The following NF1 variants were observed in gnomAD, a reference collection of about 807,000 sequenced individuals.
NF1 encodes neurofibromin 1.
NF1 carries 122 observed loss-of-function variants against 325.7 expected under a neutral mutation model. The observed-to-expected ratio is 0.37, with a 90% CI of 0.32 to 0.44. The LOEUF (loss-of-function observed/expected upper bound fraction) is 0.44, where lower values mean the gene tolerates loss of function less well. Among genes scored for constraint, NF1 ranks in the 20% least tolerant of loss-of-function variants. The pLI is 1.00. For synonymous variants in NF1, 1,091 were observed against 1,186.0 expected (o/e 0.92, Z 1.65); for missense variants, 2,140 against 3,415.4 (o/e 0.63, Z 9.31).
intron 12 of NF1, among the ~76,000 whole-genome samples, chr17:31,214,237 A>T (rs1454051524): frequency 3.9e-5 from 6 of 152,148 alleles, no homozygotes; most frequent in East Asian, 3.8e-4. Flanking sequence ...GATAAAAAAA[A>T]ATATAAATGG....
rs1282441670 is a variant in NF1 at position 31,317,400 on chromosome 17, CA to C, written c.4836-8419del. Among the ~76,000 whole-genome samples the C allele has an allele frequency of 5.7e-3, 871 of 151,726 alleles. 6 individuals are homozygous for C. The highest frequency in any genetic ancestry group is 0.016 in the African/African-American group (641 of 41,330). ...ACACACACACACACACACACACACA[CA>C]CACCCCTAATAAATCATTAGGCTAC... is the stretch of plus-strand genomic sequence containing the variant. On this transcript the variant is annotated intron_variant, in intron 36 of 57. Transcript: ENST00000358273.
At chr17:31,155,712 CAGAA>C (rs2065648230) in intron 1 of NF1, among the ~76,000 whole-genome samples, 1 of 152,062 alleles carries the variant, frequency 6.6e-6, no homozygotes, top group East Asian at 1.9e-4. Flanking sequence ...TTATGACTTC[CAGAA>C]AGAAAGCTGC....
chr17:31,373,861 C>G, intron 57 of NF1, 152 bp from the exon 58 acceptor site: 1 of 948,616 alleles, frequency 1.1e-6, no homozygotes, highest in South Asian at 1.5e-5. Context: ...TATCTAAGTT[C>G]ATGTAAGTAC....
Position 31,221,909 on chromosome 17 carries a change from A to G in NF1, c.1701A>G (p.Val567=), listed in dbSNP as rs786203819. The change falls in exon 15 of 58, where the codon GTA becomes GTG. Residue 567 remains valine, a synonymous_variant. Transcript: ENST00000358273. Reference sequence around the variant, plus strand: ...ATTTGTGGAATCCTGATGCTCCTGTAGAAACATTTTGGGAGATTAGGTATA... The same window carrying G: ...ATTTGTGGAATCCTGATGCTCCTGTGGAAACATTTTGGGAGATTAGGTATA... ...SIDLWNPDAP[V]ETFWEISSQM... 6 of 1,606,376 alleles carry G rather than the reference A, an allele frequency of 3.7e-6. No individual in the cohort carries two copies. The highest frequency in any genetic ancestry group is 4.2e-6 in the Non-Finnish European group (5 of 1,178,950).
chr17:31,162,359 C>T (rs965790145), intron 3 of NF1, among the ~76,000 whole-genome samples: 5 of 152,168 alleles, frequency 3.3e-5, no homozygotes, highest in African/African-American at 4.8e-5. Flanking sequence ...CGCCTGTAAT[C>T]CCAGCTATTA....
At chr17:31,205,119 C>T (rs2066597512) in intron 11 of NF1, among the ~76,000 whole-genome samples, 1 of 152,006 alleles carries the variant, frequency 6.6e-6, no homozygotes, top group Non-Finnish European at 1.5e-5. Flanking sequence ...TACTATCCGG[C>T]GAACAGGATT....
chr17:31,152,881 A>G (rs1019240736), intron 1 of NF1, among the ~76,000 whole-genome samples: 2 of 151,718 alleles, frequency 1.3e-5, no homozygotes, highest in African/African-American at 4.8e-5. Flanking sequence ...TTTACATATT[A>G]TTTGACCATA....
At chr17:31,247,358 T>C (rs1202668372) in intron 29 of NF1, among the ~76,000 whole-genome samples, 1 of 151,980 alleles carries the variant, frequency 6.6e-6, no homozygotes, top group Admixed American at 6.6e-5. Flanking sequence ...GAAAAATCAG[T>C]TAATTTGGGG....
intron 4 of NF1, among the ~76,000 whole-genome samples, chr17:31,165,797 C>G (rs2065836171): frequency 6.6e-6 from 1 of 152,112 alleles, no homozygotes; most frequent in Admixed American, 6.5e-5. Context: ...TCAAGAGATC[C>G]TCCCACCTCA....
intron 1 of NF1, among the ~76,000 whole-genome samples, chr17:31,132,905 G>A (rs1331145510): frequency 6.6e-6 from 1 of 152,154 alleles, no homozygotes; most frequent in Non-Finnish European, 1.5e-5. Context: ...GACCTCAGGT[G>A]ATCCACCTGC....
rs765867354 is a variant in NF1 at position 31,337,496 on chromosome 17, T to G, written c.6556T>G (p.Ser2186Ala). ...IAFRSSYRDR[S>A]FSPGSYERET... ...CTTCCGTTCCAGTTACCGGGACAGG[T>G]CATTCTCTCCTGGCTCCTATGAGAG... Residue 2186 changes from serine to alanine, a missense_variant, in exon 43 of 58, where the codon TCA becomes GCA. Ser to Ala is a moderately conservative substitution (Grantham distance 99). This residue lies in a region of NF1 where 180 missense variants were observed against 435.1 expected (regional missense o/e 0.41). Transcript: ENST00000358273. The G allele has an allele frequency of 6.2e-7, 1 of 1,614,146 alleles. No homozygotes were observed. The highest frequency in any genetic ancestry group is 8.5e-7 in the Non-Finnish European group (1 of 1,179,992).
chr17:31,307,406 G>A (rs1052715395), intron 36 of NF1, among the ~76,000 whole-genome samples: 1 of 152,218 alleles, frequency 6.6e-6, no homozygotes, highest in African/African-American at 2.4e-5. Flanking sequence ...CTTCAGTGAA[G>A]TAAAGCTTGA....
chr17:31,340,678 A>T (rs2151562193), intron 47 of NF1, 33 bp downstream of exon 47: 3 of 1,607,758 alleles, frequency 1.9e-6, no homozygotes, highest in Non-Finnish European at 1.7e-6. Flanking sequence ...TTCCTAGATT[A>T]CTCAAATTTA....
rs1597712710 is a variant in NF1, at chr17:31,226,641, C to T, written c.2208C>T (p.Asn736=). ...VSVHNLLPNY[N]TFMEFASVSN... ...TGCATAACCTCTTGCCCAACTATAA[C>T]ACATTCATGGAGTTTGCCTCTGTCA... The change falls in exon 18 of 58, where the codon AAC becomes AAT. Residue 736 remains asparagine, a synonymous_variant. Coordinates refer to ENST00000358273, the MANE Select transcript of NF1 (RefSeq NM_001042492.3). The T allele has an allele frequency of 6.2e-7, 1 of 1,613,872 alleles. No individual in the cohort carries two copies. Among genetic ancestry groups the T allele is most frequent in the Non-Finnish European group, 8.5e-7 (1 of 1,179,788 alleles).
At chr17:31,320,342 T>TA (rs2069149699) in intron 36 of NF1, 2 of 1,494,508 alleles carry the variant, frequency 1.3e-6, no homozygotes. Flanking sequence ...GTCCTTTTAT[T>TA]TAAAAAAAAA....
At chr17:31,175,788 G>T (rs1421984061) in intron 5 of NF1, among the ~76,000 whole-genome samples, 2 of 152,024 alleles carry the variant, frequency 1.3e-5, no homozygotes, top group African/African-American at 4.8e-5. Flanking sequence ...TTGGTTTTCT[G>T]TTCTTGTGTT....
At chr17:31,105,845 C>A (rs1224868593) in intron 1 of NF1, among the ~76,000 whole-genome samples, 1 of 152,188 alleles carries the variant, frequency 6.6e-6, no homozygotes, top group East Asian at 1.9e-4. Context: ...GAAATTCTTT[C>A]CTGCTCCACC....
At chr17:31,254,625 A>G (rs1029069958) in intron 31 of NF1, among the ~76,000 whole-genome samples, 2 of 152,182 alleles carry the variant, frequency 1.3e-5, no homozygotes, top group Admixed American at 1.3e-4. Flanking sequence ...AGTGTATCAC[A>G]TAATTAAAAT....
At chr17:31,264,624 G>T (rs2067753846) in intron 35 of NF1, among the ~76,000 whole-genome samples, 1 of 152,148 alleles carries the variant, frequency 6.6e-6, no homozygotes, top group Non-Finnish European at 1.5e-5. Context: ...GCTAATGGAT[G>T]TATGTTTTCT....
Sources: gnomAD v4.1 joint callset for allele counts (sites outside exome capture counted in the v4.1 genomes callset) on GRCh38, gnomAD v4.1.1 for gene constraint, gnomAD v4.1.1 regional missense constraint, MANE v1.5 for transcripts, NCBI Gene and HGNC (gene_info 2026-07-23, HGNC 2026-07-21) for gene names.